PABPN1: variants seen among roughly 807,000 people sequenced by gnomAD.
PABPN1 encodes the protein poly(A) binding protein nuclear 1, also known as polyadenylate-binding protein 2.
PABPN1 carries 5 observed loss-of-function variants against 33.4 expected under a neutral mutation model. That is an observed-to-expected ratio of 0.15 (90% CI 0.08 to 0.32). PABPN1 has a LOEUF of 0.32. Among genes scored for constraint, PABPN1 ranks in the 10% least tolerant of loss-of-function variants. PABPN1 has a pLI of 1.00. For missense variants in PABPN1, 312 were observed against 425.8 expected (o/e 0.73, Z 2.35); for synonymous variants, 176 against 170.6 (o/e 1.03, Z -0.25).
At chr14:23,324,382 C>T in intron 6 of PABPN1, 93 bp downstream of exon 6, 1 of 1,313,420 alleles carries the variant, frequency 7.6e-7, no homozygotes, top group South Asian at 1.2e-5. Context: ...CTCCCCCCAC[C>T]CCTCCCCGTG....
Position 23,323,052 on chromosome 14 carries a change from A to G in PABPN1, c.520A>G (p.Ile174Val), listed in dbSNP as rs147957101. 3.0e-5 allele frequency: 48 copies of G among 1,614,044 alleles called. No individual in the cohort carries two copies. The highest frequency in any genetic ancestry group is 4.0e-5 in the Non-Finnish European group (47 of 1,180,032). The change falls in exon 3 of 7, where the codon ATC (isoleucine) becomes GTC (valine). Residue 174 changes from isoleucine (I) to valine (V), a missense_variant. Physicochemically the swap from Ile to Val is conservative, Grantham distance 29. Transcript: ENST00000216727. ...GAAGATGGAGGCTGATGCCCGTTCC[A>G]TCTATGTTGGCAATGTACGTACTGG... ...EEKMEADARS[I>V]YVGNVDYGAT... is the part of the protein sequence containing the mutation.
Position 23,321,661 on chromosome 14 carries a change from CGAGCCG to C in PABPN1, c.198_203del (p.Pro70_Glu71del). 6.6e-7 allele frequency: 1 copy of C among 1,514,208 alleles called. No homozygotes were observed. Among genetic ancestry groups the C allele is most frequent in the South Asian group, 1.2e-5 (1 of 83,100 alleles). The allele number at this position is 1,514,208 out of a possible 1,614,324, so 93.8% of individuals were successfully genotyped here. A position where few individuals can be genotyped will look rare whatever the true frequency, so the allele number is the denominator to read the frequency against. ...AGCCTGAGGAGCTGCTGCTGGAGCC[CGAGCCG>C]GAGCCCGAGCCCGAAGAGGAGCCGC... On this transcript the variant is annotated inframe_deletion, in exon 1 of 7. Coordinates refer to ENST00000216727, the MANE Select transcript of PABPN1 (RefSeq NM_004643.4).
intron 2 of PABPN1, chr14:23,322,539 A>T: frequency 1.8e-6 from 1 of 544,076 alleles, no homozygotes; most frequent in South Asian, 2.0e-5. Flanking sequence ...CTTTGTTCTT[A>T]GTCTACGTCT....
At chr14:23,324,996 G>A (rs1171648511) in intron 6 of PABPN1, 18 of 471,770 alleles carry the variant, frequency 3.8e-5, no homozygotes, top group East Asian at 6.5e-5. Context: ...CCTTTTCCTT[G>A]CCCCTGTCTC....
In PABPN1 at chr14:23,324,295, G is replaced by A; in HGVS notation, c.881+6G>A. On this transcript the variant is annotated splice_donor_region_variant and intron_variant, in intron 6 of 6. Transcript: ENST00000216727. Reference sequence around the variant, plus strand: ...CCCCGGGGTCGCGTCTACAGGTCAGGATAGATGGGCTGCTCCTCTTTCCCC... The same window carrying A: ...CCCCGGGGTCGCGTCTACAGGTCAGAATAGATGGGCTGCTCCTCTTTCCCC... 6.2e-7 allele frequency: 1 copy of A among 1,611,440 alleles called. No homozygotes were observed. Among genetic ancestry groups the A allele is most frequent in the Non-Finnish European group, 8.5e-7 (1 of 1,180,004 alleles).
At chr14:23,323,918 G>T in intron 4 of PABPN1, 47 bp from the exon 5 acceptor site, 1 of 1,594,472 alleles carries the variant, frequency 6.3e-7, no homozygotes, top group Non-Finnish European at 8.6e-7. Flanking sequence ...AATTTGACCT[G>T]TGAGGTATTT....
chr14:23,325,683 G>A lies in PABPN1; in HGVS notation c.*397G>A, dbSNP rs552245849. On this transcript the variant is annotated 3_prime_UTR_variant, in exon 7 of 7. Coordinates refer to ENST00000216727, the MANE Select transcript of PABPN1 (RefSeq NM_004643.4). Reference sequence around the variant, plus strand: ...GGAAGGACACCAAACTGTTCTGCTTGTTACCTTCCCTCCGTCTTCTCCTCG... The same window carrying A: ...GGAAGGACACCAAACTGTTCTGCTTATTACCTTCCCTCCGTCTTCTCCTCG... 1 of 184,734 alleles carries A rather than the reference G, an allele frequency of 5.4e-6. No individual in the cohort carries two copies. The highest frequency in any genetic ancestry group is 1.1e-4 in the South Asian group (1 of 9,268). 11.4% of individuals were successfully genotyped at this position (184,734 alleles called of 1,614,324 possible). A position where few individuals can be genotyped will look rare whatever the true frequency, so the allele number is the denominator to read the frequency against.
chr14:23,324,246 T>G lies in PABPN1; in HGVS notation c.838T>G (p.Phe280Val). 1 of 1,614,064 alleles carries G rather than the reference T, an allele frequency of 6.2e-7. No homozygotes were observed. The highest frequency in any genetic ancestry group is 8.5e-7 in the Non-Finnish European group (1 of 1,180,018). The stretch of plus-strand genomic sequence containing the variant: ...CAACTACAACAGCTCCCGCTCTCGA[T>G]TCTACAGTGGTTTTAACAGCAGGCC... ...TTNYNSSRSR[F>V]YSGFNSRPRG... Residue 280 changes from phenylalanine (F) to valine (V), a missense_variant, in exon 6 of 7, where the codon TTC becomes GTC. By Grantham distance (50) the Phe-to-Val change is conservative. Transcript: ENST00000216727.
At chr14:23,322,416 C>T (rs1019465741) in intron 2 of PABPN1, 121 bp downstream of exon 2, 3 of 872,692 alleles carry the variant, frequency 3.4e-6, no homozygotes, top group Non-Finnish European at 3.8e-6. Flanking sequence ...GCTATTATGA[C>T]TGTGCCGCGG....
chr14:23,322,383 G>C, intron 2 of PABPN1, 88 bp downstream of exon 2: 1 of 1,113,796 alleles, frequency 9.0e-7, no homozygotes, highest in Non-Finnish European at 1.3e-6. Context: ...TAGATACTCG[G>C]CACCCTGGAG....
chr14:23,321,665 C>T lies in PABPN1; in HGVS notation c.196C>T (p.Pro66Ser). ...TGAGGAGCTGCTGCTGGAGCCCGAG[C>T]CGGAGCCCGAGCCCGAAGAGGAGCC... The part of the protein sequence containing the change: ...EPEELLLEPE[P>S]EPEPEEEPPR... The change falls in exon 1 of 7, where the codon CCG (proline) becomes TCG (serine). Residue 66 changes from proline to serine, a missense_variant. Pro to Ser is a moderately conservative substitution (Grantham distance 74, BLOSUM62 -1). Coordinates refer to ENST00000216727, the MANE Select transcript of PABPN1 (RefSeq NM_004643.4). 2.6e-6 allele frequency: 4 copies of T among 1,515,684 alleles called. No individual in the cohort carries two copies. The highest frequency in any genetic ancestry group is 2.7e-6 in the Non-Finnish European group (3 of 1,119,052). The allele number at this position is 1,515,684 out of a possible 1,614,324, so 93.9% of individuals were successfully genotyped here. A position where few individuals can be genotyped will look rare whatever the true frequency, so the allele number is the denominator to read the frequency against.
chr14:23,325,460 G>A lies in PABPN1; in HGVS notation c.*174G>A. 1 of 866,232 alleles carries A rather than the reference G, an allele frequency of 1.2e-6. No homozygotes were observed. Among genetic ancestry groups the A allele is most frequent in the Non-Finnish European group, 1.7e-6 (1 of 585,454 alleles). 53.7% of individuals were successfully genotyped at this position (866,232 alleles called of 1,614,324 possible). A position where few individuals can be genotyped will look rare whatever the true frequency, so the allele number is the denominator to read the frequency against. On this transcript the variant is annotated 3_prime_UTR_variant, in exon 7 of 7. Coordinates refer to ENST00000216727, the MANE Select transcript of PABPN1 (RefSeq NM_004643.4). ...AATCCCATAACTAACTGCTGAGGAG[G>A]GACCTGCTTTGGGGAGTAGGGGAAG... is the stretch of plus-strand genomic sequence containing the variant.
chr14:23,322,736 T>A lies in PABPN1; in HGVS notation c.467-263T>A, dbSNP rs528808138. ...TTAAAAGCATTTCAACCAAAGCCAT[T>A]CATTAGGGATTTGATTTGGAGGCAG... On this transcript the variant is annotated intron_variant, in intron 2 of 6. Transcript: ENST00000216727. 1.4e-4 allele frequency: 72 copies of A among 529,046 alleles called. 1 individual carries two copies. In the South Asian group the frequency reaches 1.5e-3, roughly 11 times the overall value. 32.8% of individuals were successfully genotyped at this position (529,046 alleles called of 1,614,324 possible). A position where few individuals can be genotyped will look rare whatever the true frequency, so the allele number is the denominator to read the frequency against.
rs1363785986 is a variant in PABPN1 at position 23,324,060 on chromosome 14, T to C, written c.729+8T>C. 6.2e-6 allele frequency: 10 copies of C among 1,614,210 alleles called. No individual in the cohort carries two copies. In the South Asian group the frequency reaches 9.9e-5, roughly 16 times the overall value. On this transcript the variant is annotated splice_region_variant and intron_variant, in intron 5 of 6. Coordinates refer to ENST00000216727, the MANE Select transcript of PABPN1 (RefSeq NM_004643.4). ...AGAGGAAGGCAAATCAAGGTAAGCC[T>C]ATGTCCATTGCTGTTCTAGTTGTGT...
chr14:23,322,930 A>G, intron 2 of PABPN1, 69 bp from the exon 3 acceptor site: 1 of 1,604,234 alleles, frequency 6.2e-7, no homozygotes, highest in South Asian at 1.1e-5. Context: ...CTGGTGGTGG[A>G]AGTGCAACAT....
chr14:23,322,325 C>A, intron 2 of PABPN1, 30 bp downstream of exon 2: 2 of 1,560,048 alleles, frequency 1.3e-6, no homozygotes, highest in East Asian at 4.7e-5. Context: ...ACGCGGAGCC[C>A]GGGTTCTCGG....
Position 23,325,269 on chromosome 14 carries a change from T to G in PABPN1, c.904T>G (p.Trp302Gly). 6.2e-7 allele frequency: 1 copy of G among 1,602,580 alleles called. No homozygotes were observed. The highest frequency in any genetic ancestry group is 1.1e-5 in the South Asian group (1 of 90,828). The change falls in exon 7 of 7, where the codon TGG becomes GGG. Residue 302 changes from tryptophan to glycine, a missense_variant. Trp to Gly is a radical substitution (Grantham distance 184). Coordinates refer to ENST00000216727, the MANE Select transcript of PABPN1 (RefSeq NM_004643.4). Reference sequence around the variant, plus strand: ...CAGGGGCCGGGCTAGAGCGACATCATGGTATTCCCCTTACTAAAAAAAGTG... The same window carrying G: ...CAGGGGCCGGGCTAGAGCGACATCAGGGTATTCCCCTTACTAAAAAAAGTG... ...VYRGRARATS[W>G]YSPY
intron 3 of PABPN1, 23 bp from the exon 4 acceptor site, chr14:23,323,354 T>C: frequency 6.2e-7 from 1 of 1,611,686 alleles, no homozygotes; most frequent in African/African-American, 1.3e-5. Context: ...CTGGTGCCTG[T>C]GAAATTTTTC....
chr14:23,322,304 C>T lies in PABPN1; in HGVS notation c.466+9C>T, dbSNP rs1303011740. ...TCCACCTCCAGGCAATGGTGAGTAA[C>T]TGGCGGTTGCACGCGGAGCCCGGGT... On this transcript the variant is annotated intron_variant, in intron 2 of 6. Coordinates refer to ENST00000216727, the MANE Select transcript of PABPN1 (RefSeq NM_004643.4). 6.3e-7 allele frequency: 1 copy of T among 1,590,758 alleles called. No homozygotes were observed. The highest frequency in any genetic ancestry group is 2.3e-5 in the East Asian group (1 of 44,096).
Sources: allele counts gnomAD v4.1 joint callset, GRCh38; gene constraint gnomAD v4.1.1; transcripts MANE v1.5; gene names NCBI Gene and HGNC (gene_info 2026-07-23, HGNC 2026-07-21).